MAGI2: variants seen among roughly 807,000 people sequenced by gnomAD.
MAGI2 encodes membrane associated guanylate kinase, WW and PDZ domain containing 2, also known as membrane-associated guanylate kinase, WW and PDZ domain-containing protein 2.
A neutral mutation model predicts 133.3 loss-of-function variants in MAGI2; 35 were observed. The ratio of observed to expected loss-of-function variants is 0.26; its 90% CI spans 0.20 to 0.35. The LOEUF (loss-of-function observed/expected upper bound fraction) is 0.35. Ranked by LOEUF, MAGI2 falls within the 10% of genes least tolerant of loss-of-function variation. The probability of loss-of-function intolerance (pLI) is 1.00; values close to 1 mark genes in which losing one functional copy is unlikely to be tolerated. For missense variants in MAGI2, 1,636 were observed against 1,863.4 expected, an observed-to-expected ratio of 0.88 and a Z score of 2.25; for synonymous variants, 729 against 710.6, an observed-to-expected ratio of 1.03 and a Z score of -0.41.
chr7:79,224,215 G>A (rs1830668759), intron 1 of MAGI2, among the ~76,000 whole-genome samples: 1 of 151,934 alleles, frequency 6.6e-6, no homozygotes. Context: ...ACCCGTTTAG[G>A]TTCCACTCTG....
At chr7:78,881,615 C>A (rs1171884871) in intron 2 of MAGI2, among the ~76,000 whole-genome samples, 1 of 151,936 alleles carries the variant, frequency 6.6e-6, no homozygotes, top group Non-Finnish European at 1.5e-5. Context: ...TACTCTCAAA[C>A]CACAGTGGAA....
At chr7:78,980,837 A>G (rs1186388764) in intron 2 of MAGI2, among the ~76,000 whole-genome samples, 1 of 151,344 alleles carries the variant, frequency 6.6e-6, no homozygotes, top group African/African-American at 2.4e-5. Context: ...GAGAAGGTGT[A>G]TCTGTTAAAT....
chr7:78,910,844 T>C (rs1798349658), intron 2 of MAGI2, among the ~76,000 whole-genome samples: 2 of 152,246 alleles, frequency 1.3e-5, no homozygotes, highest in Non-Finnish European at 2.9e-5. Context: ...GAATGTCTTA[T>C]TAGGAAAGGA....
chr7:78,430,945 T>C (rs900396844), intron 6 of MAGI2, among the ~76,000 whole-genome samples: 4 of 152,148 alleles, frequency 2.6e-5, no homozygotes, highest in Admixed American at 6.6e-5. Context: ...TCAAGTTCAA[T>C]GTGTCAGACT....
At chr7:79,144,408 G>A (rs915493049) in intron 1 of MAGI2, among the ~76,000 whole-genome samples, 2 of 152,094 alleles carry the variant, frequency 1.3e-5, no homozygotes, top group African/African-American at 2.4e-5. Context: ...TTGTTTACAA[G>A]TGTGTATGTA....
At chr7:78,828,065 A>T (rs1790822852) in intron 2 of MAGI2, among the ~76,000 whole-genome samples, 2 of 152,230 alleles carry the variant, frequency 1.3e-5, no homozygotes, top group Admixed American at 6.5e-5. Flanking sequence ...TTGTATTTTT[A>T]GTAGAGACAG....
chr7:79,270,871 C>A (rs1834825148), intron 1 of MAGI2, among the ~76,000 whole-genome samples: 1 of 152,068 alleles, frequency 6.6e-6, no homozygotes, highest in Non-Finnish European at 1.5e-5. Context: ...ACCACTTTCC[C>A]TGTTATTTCA....
At chr7:78,847,804 A>G (rs1207255841) in intron 2 of MAGI2, among the ~76,000 whole-genome samples, 1 of 151,620 alleles carries the variant, frequency 6.6e-6, no homozygotes, top group Non-Finnish European at 1.5e-5. Flanking sequence ...AATTTTATTT[A>G]TTTGTTTGTT....
chr7:78,475,992 C>T (rs1584309640), intron 6 of MAGI2, among the ~76,000 whole-genome samples: 1 of 151,856 alleles, frequency 6.6e-6, no homozygotes, highest in Non-Finnish European at 1.5e-5. Flanking sequence ...AAACTCTCCT[C>T]TTCATTTTTG....
At chr7:79,049,296 C>CA (rs1812466700) in intron 1 of MAGI2, among the ~76,000 whole-genome samples, 1 of 152,038 alleles carries the variant, frequency 6.6e-6, no homozygotes, top group South Asian at 2.1e-4. Context: ...CCCCTGCCAT[C>CA]AAAGAGCTCA....
intron 2 of MAGI2, among the ~76,000 whole-genome samples, chr7:78,706,140 G>T (rs1182377073): frequency 6.7e-6 from 1 of 149,628 alleles, no homozygotes; most frequent in Non-Finnish European, 1.5e-5. Flanking sequence ...GATATGGTTT[G>T]GCTGTGTCCC....
At chr7:78,354,825 C>A (rs567837760) in intron 7 of MAGI2, among the ~76,000 whole-genome samples, 2 of 152,140 alleles carry the variant, frequency 1.3e-5, no homozygotes, top group South Asian at 4.2e-4. Flanking sequence ...TTGCTGGATA[C>A]CTAGAATCTG....
chr7:79,378,670 G>C (rs1843541945), intron 1 of MAGI2, among the ~76,000 whole-genome samples: 1 of 151,394 alleles, frequency 6.6e-6, no homozygotes, highest in Non-Finnish European at 1.5e-5. Flanking sequence ...GGAGGATAAA[G>C]CTCTTTGGGC....
At chr7:78,051,757 G>A (rs1378197315) in intron 21 of MAGI2, among the ~76,000 whole-genome samples, 4 of 151,634 alleles carry the variant, frequency 2.6e-5, no homozygotes, top group African/African-American at 7.3e-5. Flanking sequence ...GCTAATTTTT[G>A]TATTTTTAGT....
chr7:79,032,036 T>C (rs1264520054), intron 1 of MAGI2, among the ~76,000 whole-genome samples: 1 of 152,188 alleles, frequency 6.6e-6, no homozygotes, highest in Admixed American at 6.6e-5. Flanking sequence ...CAACTTAATA[T>C]ATAATTTTAG....
rs1406123605 is a variant in MAGI2, at chr7:79,007,220, A to C, written c.302-14T>G. 1.3e-6 allele frequency: 2 copies of C among 1,533,312 alleles called. No homozygotes were observed. The highest frequency in any genetic ancestry group is 2.8e-5 in the African/African-American group (2 of 72,402). The allele number at this position is 1,533,312 out of a possible 1,614,324, so 95.0% of individuals were successfully genotyped here. On this transcript the variant is annotated splice_polypyrimidine_tract_variant and intron_variant, in intron 1 of 21. Coordinates refer to ENST00000354212, the MANE Select transcript of MAGI2 (RefSeq NM_012301.4). ...CAACAATTCCTCCTAAAAATAAAAAAAGTTTCTTGGTAAGGGATGTTGGAA... is the reference window on the plus strand; with the variant it reads ...CAACAATTCCTCCTAAAAATAAAAACAGTTTCTTGGTAAGGGATGTTGGAA...
intron 1 of MAGI2, among the ~76,000 whole-genome samples, chr7:79,078,124 A>C (rs908336159): frequency 5.3e-5 from 8 of 152,220 alleles, no homozygotes; most frequent in African/African-American, 1.9e-4. Context: ...ACATAAATCT[A>C]TTCAACTTTA....
At chr7:78,837,493 G>T (rs1376774778) in intron 2 of MAGI2, among the ~76,000 whole-genome samples, 2 of 151,938 alleles carry the variant, frequency 1.3e-5, no homozygotes, top group African/African-American at 4.8e-5. Context: ...GGTCATTTTG[G>T]TGACTACAAT....
At chr7:79,050,717 C>T (rs1233823216) in intron 1 of MAGI2, among the ~76,000 whole-genome samples, 1 of 152,170 alleles carries the variant, frequency 6.6e-6, no homozygotes, top group Non-Finnish European at 1.5e-5. Flanking sequence ...TTTTCTCCTA[C>T]CATTTTTACC....
Sources: allele counts gnomAD v4.1 joint callset (sites outside exome capture counted in the v4.1 genomes callset), GRCh38; gene constraint gnomAD v4.1.1; transcripts MANE v1.5; gene names NCBI Gene and HGNC (gene_info 2026-07-23, HGNC 2026-07-21).